Variants in MEF2A observed in about 807,000 individuals in gnomAD.
MEF2A encodes the protein myocyte enhancer factor 2A.
In MEF2A, 28 loss-of-function variants were observed where a neutral mutation model predicts 55.8. The observed-to-expected ratio is 0.50, with a 90% CI of 0.37 to 0.69. MEF2A has a LOEUF of 0.69. Ranked by LOEUF, MEF2A falls within the 30% of genes least tolerant of loss-of-function variation. The pLI, the probability that MEF2A is intolerant of heterozygous loss-of-function variation, is 0.00. For missense variants in MEF2A, 528 were observed against 626.2 expected (o/e 0.84, Z 1.67); for synonymous variants, 239 against 227.1 (o/e 1.05, Z -0.47).
At chr15:99,685,601 C>T (rs1330380560) in intron 7 of MEF2A, among the ~76,000 whole-genome samples, 1 of 152,094 alleles carries the variant, frequency 6.6e-6, no homozygotes, top group Non-Finnish European at 1.5e-5. Context: ...TATGCCCCTT[C>T]TGTGCCAGTT....
intron 7 of MEF2A, among the ~76,000 whole-genome samples, chr15:99,675,766 C>T (rs1269255168): frequency 6.6e-6 from 1 of 152,070 alleles, no homozygotes; most frequent in Non-Finnish European, 1.5e-5. Context: ...GGCCGGGCGT[C>T]GTGGCTCACA....
intron 5 of MEF2A, among the ~76,000 whole-genome samples, chr15:99,673,436 A>G (rs1410902762): frequency 6.6e-6 from 1 of 152,224 alleles, no homozygotes; most frequent in Non-Finnish European, 1.5e-5. Flanking sequence ...TCTACATGAA[A>G]TAAACTACTA....
At chr15:99,629,805 T>A (rs1005073940) in intron 2 of MEF2A, among the ~76,000 whole-genome samples, 1 of 152,148 alleles carries the variant, frequency 6.6e-6, no homozygotes, top group Non-Finnish European at 1.5e-5. Context: ...CCGGGCGTGG[T>A]GGCACGTGCC....
intron 2 of MEF2A, among the ~76,000 whole-genome samples, chr15:99,628,963 A>ATTTTTTTTTTT (rs71149483): frequency 5.2e-5 from 7 of 133,770 alleles, no homozygotes; most frequent in East Asian, 2.1e-4. Flanking sequence ...TTTCAGAAGG[A>ATTTTTTTTTTT]TTTTTTTTTT....
At chr15:99,585,313 C>T (rs185329188) in intron 1 of MEF2A, among the ~76,000 whole-genome samples, 20 of 152,174 alleles carry the variant, frequency 1.3e-4, no homozygotes, top group Admixed American at 7.8e-4. Context: ...TTCTTTTTTA[C>T]CTCCTGTAAT....
chr15:99,612,169 A>G (rs1596471866), intron 2 of MEF2A, among the ~76,000 whole-genome samples: 1 of 152,120 alleles, frequency 6.6e-6, no homozygotes, highest in East Asian at 1.9e-4. Context: ...TAATCCTAGC[A>G]CTTTGGGAGG....
intron 2 of MEF2A, among the ~76,000 whole-genome samples, chr15:99,610,133 A>G (rs1298360444): frequency 6.6e-6 from 1 of 152,122 alleles, no homozygotes. Context: ...CGTATAGAGC[A>G]CTGGCAGTGA....
At chr15:99,623,663 C>T (rs2041604236) in intron 2 of MEF2A, among the ~76,000 whole-genome samples, 1 of 152,170 alleles carries the variant, frequency 6.6e-6, no homozygotes, top group African/African-American at 2.4e-5. Flanking sequence ...AGCATCTTTT[C>T]ATAGGCTTAT....
intron 1 of MEF2A, among the ~76,000 whole-genome samples, chr15:99,597,260 T>C (rs531451582): frequency 6.6e-6 from 1 of 152,138 alleles, no homozygotes; most frequent in Non-Finnish European, 1.5e-5. Flanking sequence ...AGAAAGAGAA[T>C]GCGCACCTGG....
chr15:99,602,653 G>GTGTGTGT (rs1555454715), intron 2 of MEF2A, among the ~76,000 whole-genome samples: 6 of 44,870 alleles, frequency 1.3e-4, no homozygotes, highest in South Asian at 1.2e-3. Flanking sequence ...ACATTCCTGG[G>GTGTGTGT]GTGTGTGTGT....
chr15:99,608,040 C>G (rs1043968498), intron 2 of MEF2A, among the ~76,000 whole-genome samples: 1 of 152,076 alleles, frequency 6.6e-6, no homozygotes, highest in South Asian at 2.1e-4. Context: ...TTCATTGATA[C>G]ATTTGATATT....
intron 2 of MEF2A, among the ~76,000 whole-genome samples, chr15:99,630,129 G>C (rs1003609099): frequency 2.6e-4 from 39 of 151,664 alleles, no homozygotes; most frequent in African/African-American, 5.8e-4. Context: ...TCTGTGGCTC[G>C]ATGTCTCATT....
At chr15:99,643,764 T>A (rs1266520421) in intron 3 of MEF2A, among the ~76,000 whole-genome samples, 3 of 152,016 alleles carry the variant, frequency 2.0e-5, no homozygotes, top group Non-Finnish European at 4.4e-5. Flanking sequence ...GCTAATTTTT[T>A]GTGTTTTTAG....
chr15:99,600,720 G>C (rs994725305), intron 2 of MEF2A, among the ~76,000 whole-genome samples: 1 of 151,786 alleles, frequency 6.6e-6, no homozygotes, highest in African/African-American at 2.4e-5. Context: ...GCCATTATGT[G>C]TGGGTCTGTT....
Position 99,712,955 on chromosome 15 carries a change from G to T in MEF2A, c.*184G>T. The T allele has an allele frequency of 1.4e-6, 1 of 704,828 alleles. No individual in the cohort carries two copies. Among genetic ancestry groups the T allele is most frequent in the Non-Finnish European group, 2.3e-6 (1 of 437,826 alleles). The allele number at this position is 704,828 out of a possible 1,614,324, so 43.7% of individuals were successfully genotyped here. A position where few individuals can be genotyped will look rare whatever the true frequency, so the allele number is the denominator to read the frequency against. On this transcript the variant is annotated 3_prime_UTR_variant, in exon 12 of 12. Transcript: ENST00000557942. The surrounding 1 kb of genome is among the most constrained non-coding windows in gnomAD (Gnocchi z 4.1). ...GGTGTGTGTTACATACACAGAATCA[G>T]GCACTTACCTGCAAACTCCTTGTAG... is the stretch of plus-strand genomic sequence containing the variant.
At chr15:99,615,548 A>G (rs534370742) in intron 2 of MEF2A, among the ~76,000 whole-genome samples, 1 of 152,294 alleles carries the variant, frequency 6.6e-6, no homozygotes, top group South Asian at 2.1e-4. Flanking sequence ...GAGCTTTATT[A>G]TTAGTCCAGT....
intron 3 of MEF2A, among the ~76,000 whole-genome samples, chr15:99,634,383 C>T (rs2043415899): frequency 6.6e-6 from 1 of 152,128 alleles, no homozygotes; most frequent in Non-Finnish European, 1.5e-5. Flanking sequence ...GGTAAACTAT[C>T]CATGCTATTA....
At chr15:99,638,833 A>C (rs958909667) in intron 3 of MEF2A, among the ~76,000 whole-genome samples, 3 of 152,086 alleles carry the variant, frequency 2.0e-5, no homozygotes, top group Non-Finnish European at 4.4e-5. Flanking sequence ...TGACATGTCT[A>C]GTGGTTTTTA....
chr15:99,610,025 G>A (rs1395048167), intron 2 of MEF2A, among the ~76,000 whole-genome samples: 1 of 151,622 alleles, frequency 6.6e-6, no homozygotes, highest in East Asian at 1.9e-4. Context: ...TCATTCTAGT[G>A]GATACTATTT....
Sources: allele counts gnomAD v4.1 joint callset (sites outside exome capture counted in the v4.1 genomes callset), GRCh38; gene constraint gnomAD v4.1.1; non-coding constraint Gnocchi (gnomAD v3.1); transcripts MANE v1.5; gene names NCBI Gene and HGNC (gene_info 2026-07-23, HGNC 2026-07-21).